The following ART3 variants were observed in gnomAD, a reference collection of about 807,000 sequenced individuals.
The protein encoded by ART3 is ADP-ribosyltransferase 3 (inactive), also known as ecto-ADP-ribosyltransferase 3.
In ART3, 49 loss-of-function variants were observed where a neutral mutation model predicts 48.5. The ratio of observed to expected loss-of-function variants is 1.01; its 90% CI spans 0.80 to 1.28. The LOEUF (loss-of-function observed/expected upper bound fraction) is 1.28, where lower values mean the gene tolerates loss of function less well. ART3 is among the 50% of genes most tolerant of loss of function. ART3 has a pLI of 0.00. For missense variants in ART3, 438 were observed against 454.3 expected (o/e 0.96, Z 0.33); for synonymous variants, 145 against 157.2 (o/e 0.92, Z 0.58).
chr4:76,012,625 A>T (rs1731907340), intron 1 of ART3, among the ~76,000 whole-genome samples: 1 of 152,126 alleles, frequency 6.6e-6, no homozygotes, highest in Non-Finnish European at 1.5e-5. Context: ...CTCATGTAAA[A>T]CTTAAGGACT....
At chr4:76,022,600 C>A (rs1185150102) in intron 1 of ART3, 5 of 1,454,710 alleles carry the variant, frequency 3.4e-6, no homozygotes, top group Non-Finnish European at 2.8e-6. Flanking sequence ...CATCACAAAC[C>A]CTTTACTGAT....
chr4:76,037,457 A>G (rs1734541088), intron 1 of ART3, among the ~76,000 whole-genome samples: 1 of 151,468 alleles, frequency 6.6e-6, no homozygotes, highest in South Asian at 2.1e-4. Flanking sequence ...ATTTTATTTA[A>G]CTTTTTGAAG....
intron 3 of ART3, among the ~76,000 whole-genome samples, chr4:76,088,248 C>CTT (rs33947322): frequency 1.4e-5 from 2 of 147,574 alleles, no homozygotes; most frequent in Non-Finnish European, 3.0e-5. Context: ...CCTGAACTCT[C>CTT]TTTTTTTTTT....
At chr4:76,022,531 A>T in intron 1 of ART3, 1 of 1,505,040 alleles carries the variant, frequency 6.6e-7, no homozygotes, top group Admixed American at 1.7e-5. Flanking sequence ...GCAGTTCTGA[A>T]GTCAGACATT....
At chr4:76,111,136 C>A (rs546996439) in intron 11 of ART3, among the ~76,000 whole-genome samples, 139 of 152,286 alleles carry the variant, frequency 9.1e-4, no homozygotes, top group African/African-American at 3.2e-3. Flanking sequence ...TTTCGAGTAT[C>A]CTCTTAAAAC....
intron 1 of ART3, among the ~76,000 whole-genome samples, chr4:76,028,668 C>A (rs1438591892): frequency 2.0e-5 from 3 of 152,234 alleles, no homozygotes; most frequent in African/African-American, 7.2e-5. Flanking sequence ...GCTTCCCCTT[C>A]ACAGTTTTCA....
chr4:76,063,166 A>G lies in ART3; in HGVS notation c.-9-12715A>G, dbSNP rs1002456436. Among the ~76,000 whole-genome samples, 4 of 151,972 alleles carry G rather than the reference A, an allele frequency of 2.6e-5. No homozygotes were observed. In the East Asian group the frequency reaches 7.7e-4, roughly 29 times the overall value. On this transcript the variant is annotated intron_variant, in intron 1 of 9. Transcript: ENST00000341029. ...ATTGCCTGCCTTCTTTTTCTCTACT[A>G]CTTCATGGACGGAAGCTTCCTGGAG...
intron 1 of ART3, among the ~76,000 whole-genome samples, chr4:76,064,897 T>C (rs1009587494): frequency 6.6e-6 from 1 of 151,434 alleles, no homozygotes; most frequent in Non-Finnish European, 1.5e-5. Context: ...GGTGGCAAGA[T>C]CATGGGTCAC....
intron 1 of ART3, chr4:76,012,348 A>G (rs1731883726): frequency 6.6e-6 from 1 of 152,158 alleles, no homozygotes; most frequent in Non-Finnish European, 1.5e-5. Context: ...TCCTCTCGGC[A>G]GCTGTTGTTA....
At chr4:76,088,299 T>G (rs1436789417) in intron 3 of ART3, among the ~76,000 whole-genome samples, 2 of 151,774 alleles carry the variant, frequency 1.3e-5, no homozygotes, top group Admixed American at 6.6e-5. Context: ...GGCATTTTGG[T>G]CAATGTTTCC....
intron 1 of ART3, among the ~76,000 whole-genome samples, chr4:76,042,573 G>A (rs1454563793): frequency 1.3e-5 from 2 of 152,138 alleles, no homozygotes; most frequent in Non-Finnish European, 1.5e-5. Context: ...CTGACTTCAA[G>A]AATGAAGCCA....
chr4:76,095,094 T>A (rs1176762386), intron 3 of ART3, among the ~76,000 whole-genome samples: 1 of 152,230 alleles, frequency 6.6e-6, no homozygotes, highest in African/African-American at 2.4e-5. Flanking sequence ...TTTTTAACCC[T>A]GCTATTTCTT....
intron 3 of ART3, among the ~76,000 whole-genome samples, chr4:76,088,490 A>G (rs1472725307): frequency 6.6e-6 from 1 of 152,142 alleles, no homozygotes; most frequent in African/African-American, 2.4e-5. Flanking sequence ...CTGCTAAGCC[A>G]TCAAAAGGGG....
intron 1 of ART3, among the ~76,000 whole-genome samples, chr4:76,055,723 G>A (rs1429854047): frequency 9.3e-6 from 1 of 107,556 alleles, no homozygotes; most frequent in African/African-American, 3.6e-5. Flanking sequence ...AGCTAGAGAA[G>A]GTGTCTAGAG....
intron 1 of ART3, among the ~76,000 whole-genome samples, chr4:76,065,472 G>A (rs895235546): frequency 6.6e-6 from 1 of 151,284 alleles, no homozygotes; most frequent in South Asian, 2.1e-4. Context: ...TGAGAATCAG[G>A]TTTTTTTCTC....
intron 1 of ART3, among the ~76,000 whole-genome samples, chr4:76,015,928 A>G (rs544049004): frequency 6.6e-6 from 1 of 152,186 alleles, no homozygotes; most frequent in South Asian, 2.1e-4. Context: ...GCCTGGGATT[A>G]TAGGCACAAT....
intron 1 of ART3, among the ~76,000 whole-genome samples, chr4:76,026,779 G>T (rs1395433512): frequency 6.6e-6 from 1 of 152,244 alleles, no homozygotes; most frequent in Non-Finnish European, 1.5e-5. Flanking sequence ...TATGGCCATG[G>T]ATGGTGTTAG....
At chr4:76,084,277 TTAC>T (rs896911799) in intron 3 of ART3, among the ~76,000 whole-genome samples, 32 of 152,208 alleles carry the variant, frequency 2.1e-4, no homozygotes, top group African/African-American at 7.7e-4. Context: ...CTTTCTTGGA[TTAC>T]TACTTTGTTT....
intron 1 of ART3, among the ~76,000 whole-genome samples, chr4:76,043,056 G>A (rs536676318): frequency 6.6e-6 from 1 of 152,056 alleles, no homozygotes; most frequent in South Asian, 2.1e-4. Context: ...AGAATAGCTA[G>A]ATACAGAGTG....
Sources: allele counts gnomAD v4.1 joint callset (sites outside exome capture counted in the v4.1 genomes callset), GRCh38; gene constraint gnomAD v4.1.1; transcripts MANE v1.5; gene names NCBI Gene and HGNC (gene_info 2026-07-23, HGNC 2026-07-21).